The following SAGE1 variants were observed in gnomAD, a reference collection of about 807,000 sequenced individuals.
SAGE1 encodes the protein sarcoma antigen 1.
Under a neutral mutation model 55.4 loss-of-function variants are expected in SAGE1, and 55 were observed. That is an observed-to-expected ratio of 0.99 (90% CI 0.80 to 1.24). The LOEUF is 1.24. Among genes scored for constraint, SAGE1 ranks in the 50% most tolerant of loss-of-function variants. The probability of loss-of-function intolerance (pLI) is 0.00; values close to 1 mark genes in which losing one functional copy is unlikely to be tolerated. For missense variants in SAGE1, 710 were observed against 704.4 expected, an observed-to-expected ratio of 1.01 and a Z score of -0.09; for synonymous variants, 240 against 244.3, an observed-to-expected ratio of 0.98 and a Z score of 0.17.
intron 16 of SAGE1, 98 bp from the exon 17 acceptor site, chrX:135,911,094 T>A (rs997436849): frequency 1.8e-5 from 17 of 948,638 alleles, no homozygotes; most frequent in Non-Finnish European, 2.5e-5. Flanking sequence ...TCCTGCTGTA[T>A]GGGATAACGT....
At position 135,907,015 on chromosome X, in the gene SAGE1, C is replaced by G; in HGVS notation, c.826C>G (p.Leu276Val). The G allele has an allele frequency of 1.7e-6, 2 of 1,210,288 alleles. No individual in the cohort carries two copies. Among genetic ancestry groups the G allele is most frequent in the Non-Finnish European group, 2.2e-6 (2 of 894,328 alleles). Residue 276 changes from leucine to valine, a missense_variant, in exon 8 of 20, where the codon CTT (leucine) becomes GTT (valine). Leu to Val is a conservative substitution (Grantham distance 32). Coordinates refer to ENST00000370709, the MANE Select transcript of SAGE1 (RefSeq NM_001381902.1). The stretch of plus-strand genomic sequence containing the variant: ...CATCTTGTCAACTGCTTCAACAGGG[C>G]TTATTAATGTGGCAGGAGCTGGTAC... ...DNILSTASTG[L>V]INVAGAGTPA... is the part of the protein sequence containing the mutation.
At chrX:135,903,819 G>A (rs1439897947) in intron 3 of SAGE1, among the ~76,000 whole-genome samples, 2 of 111,311 alleles carry the variant, frequency 1.8e-5, no homozygotes, top group African/African-American at 6.5e-5. Flanking sequence ...ACAAAATGAC[G>A]AATACAAAAA....
At chrX:135,904,744 C>A (rs1247547168) in intron 4 of SAGE1, among the ~76,000 whole-genome samples, 175 bp downstream of exon 4, 1 of 111,227 alleles carries the variant, frequency 9.0e-6, no homozygotes, top group Non-Finnish European at 1.9e-5. Flanking sequence ...AGATGGCCAG[C>A]TGGCATATCC....
chrX:135,909,694 A>G lies in SAGE1; in HGVS notation c.1638A>G (p.Gln546=), dbSNP rs2088859802. The G allele has an allele frequency of 8.3e-7, 1 of 1,202,664 alleles. No individual in the cohort carries two copies. Among genetic ancestry groups the G allele is most frequent in the Non-Finnish European group, 1.1e-6 (1 of 890,263 alleles). The part of the protein sequence containing the change: ...HEERMENNQP[Q]PSYDLSTVLP... ...AGAGGATGGAAAATAACCAACCACAACCTAGTTATGACTTGTCAACTGTTC... is the reference window on the plus strand; with the variant it reads ...AGAGGATGGAAAATAACCAACCACAGCCTAGTTATGACTTGTCAACTGTTC... The change falls in exon 14 of 20, where the codon CAA becomes CAG. Residue 546 remains glutamine, a synonymous_variant. Transcript: ENST00000370709.
chrX:135,907,038 T>C lies in SAGE1; in HGVS notation c.849T>C (p.Gly283=), dbSNP rs782367551. Residue 283 remains glycine (G), a synonymous_variant, in exon 8 of 20, where the codon GGT becomes GGC. Transcript: ENST00000370709. ...STGLINVAGA[G]TPAISTNGLY... ...GGCTTATTAATGTGGCAGGAGCTGG[T>C]ACTCCAGCCATCAGCACCAATGGCC... 38 of 1,207,657 alleles carry C rather than the reference T, an allele frequency of 3.1e-5. No homozygotes were observed. In the South Asian group the frequency reaches 6.7e-4, roughly 21 times the overall value.
Position 135,907,689 on chromosome X carries a change from T to C in SAGE1, c.1019-12T>C. Reference sequence around the variant, plus strand: ...CTTAGCTCAGAGCTCAAGCTTTTCATTTGGTTTCCAGATGCTACCATCACT... The same window carrying C: ...CTTAGCTCAGAGCTCAAGCTTTTCACTTGGTTTCCAGATGCTACCATCACT... On this transcript the variant is annotated splice_polypyrimidine_tract_variant and intron_variant, in intron 9 of 19. Coordinates refer to ENST00000370709, the MANE Select transcript of SAGE1 (RefSeq NM_001381902.1). 1.7e-6 allele frequency: 2 copies of C among 1,208,422 alleles called. No homozygotes were observed. The highest frequency in any genetic ancestry group is 2.2e-6 in the Non-Finnish European group (2 of 893,606).
In SAGE1 at chrX:135,907,849, T is replaced by C; in HGVS notation, c.1159+8T>C. 8.3e-7 allele frequency: 1 copy of C among 1,205,717 alleles called. No homozygotes were observed. Among genetic ancestry groups the C allele is most frequent in the Non-Finnish European group, 1.1e-6 (1 of 890,937 alleles). Reference sequence around the variant, plus strand: ...TGAGTACCAGGGATCAGCGTAAGTTTGTTTACTAGTTGTGGTGTCCTACTT... The same window carrying C: ...TGAGTACCAGGGATCAGCGTAAGTTCGTTTACTAGTTGTGGTGTCCTACTT... On this transcript the variant is annotated splice_region_variant and intron_variant, in intron 10 of 19. Coordinates refer to ENST00000370709, the MANE Select transcript of SAGE1 (RefSeq NM_001381902.1).
intron 1 of SAGE1, among the ~76,000 whole-genome samples, chrX:135,894,462 G>A (rs782796429): frequency 3.4e-4 from 38 of 112,183 alleles, no homozygotes; most frequent in Non-Finnish European, 5.8e-4. Context: ...TGTTCATAAT[G>A]TATTCCTTTT....
chrX:135,908,168 TA>T lies in SAGE1; in HGVS notation c.1240del (p.Thr414HisfsTer15). On this transcript the variant is annotated frameshift_variant, in exon 11 of 20. Coordinates refer to ENST00000370709, the MANE Select transcript of SAGE1 (RefSeq NM_001381902.1). LOFTEE classifies it high-confidence loss of function. The part of the protein sequence containing the change: ...PTPDNVLSAV[T>X]PELINLAGAG... Reference sequence around the variant, plus strand: ...CCCCTGATAACGTCTTGTCAGCTGTTACACCAGAGCTTATTAACTTGGCAGG... The same window carrying T: ...CCCCTGATAACGTCTTGTCAGCTGTTCACCAGAGCTTATTAACTTGGCAGG... 8.3e-7 allele frequency: 1 copy of T among 1,209,277 alleles called. No homozygotes were observed. Among genetic ancestry groups the T allele is most frequent in the Non-Finnish European group, 1.1e-6 (1 of 893,424 alleles).
At position 135,893,767 on chromosome X, in the gene SAGE1, C is replaced by A; in HGVS notation, c.-15C>A. On this transcript the variant is annotated 5_prime_UTR_variant, in exon 1 of 20. Transcript: ENST00000370709. ...CAGAGGAACACAGAACCTTCTCACA[C>A]AGCGGGATAAAAGGGTGAATTTGGA... Among the ~76,000 whole-genome samples the A allele has an allele frequency of 8.9e-6, 1 of 112,145 alleles. No individual in the cohort carries two copies. Among genetic ancestry groups the A allele is most frequent in the Non-Finnish European group, 1.9e-5 (1 of 53,179 alleles).
rs1556607176 is a variant in SAGE1 at position 135,912,806 on chromosome X, A to C, written c.2624A>C (p.Lys875Thr). The change falls in exon 20 of 20, where the codon AAA becomes ACA. Residue 875 changes from lysine to threonine, a missense_variant. By Grantham distance (78) the Lys-to-Thr change is moderately conservative (BLOSUM62 -1). Coordinates refer to ENST00000370709, the MANE Select transcript of SAGE1 (RefSeq NM_001381902.1). Reference sequence around the variant, plus strand: ...TACCTCTTTAATTTCAGGTTTAAAAAAGTTGTCTTAATTCAGCAACTCGAG... The same window carrying C: ...TACCTCTTTAATTTCAGGTTTAAAACAGTTGTCTTAATTCAGCAACTCGAG... ...FTIKEAARFK[K>T]VVLIQQLEKA... 1 of 1,209,536 alleles carries C rather than the reference A, an allele frequency of 8.3e-7. No individual in the cohort carries two copies.
In SAGE1 at chrX:135,906,501, G is replaced by C; in HGVS notation, c.686G>C (p.Arg229Pro). 1.7e-6 allele frequency: 2 copies of C among 1,210,296 alleles called. No individual in the cohort carries two copies. The highest frequency in any genetic ancestry group is 2.2e-6 in the Non-Finnish European group (2 of 894,268). The stretch of plus-strand genomic sequence containing the variant: ...GTGTTGTTGACTCTTCGACCACGGC[G>C]TATTAATATGACAGACACTGGTATT... ...DNVLLTLRPR[R>P]INMTDTGISP... Residue 229 changes from arginine (R) to proline (P), a missense_variant, in exon 7 of 20, where the codon CGT becomes CCT. Physicochemically the swap from Arg to Pro is moderately radical, Grantham distance 103. Coordinates refer to ENST00000370709, the MANE Select transcript of SAGE1 (RefSeq NM_001381902.1).
rs2088904570 is a variant in SAGE1 at position 135,911,860 on chromosome X, C to T, written c.2428C>T (p.Pro810Ser). The T allele has an allele frequency of 1.7e-6, 2 of 1,209,774 alleles. No individual in the cohort carries two copies. The highest frequency in any genetic ancestry group is 3.5e-5 in the South Asian group (2 of 56,863). ...VTVMSLVETV[P>S]NTPQISPAMA... ...AGTAATGTCTTTGGTGGAAACTGTG[C>T]CAAATACACCACAAATATCTCCTGC... Residue 810 changes from proline to serine, a missense_variant, in exon 18 of 20, where the codon CCA becomes TCA. Coordinates refer to ENST00000370709, the MANE Select transcript of SAGE1 (RefSeq NM_001381902.1).
At chrX:135,904,779 C>T (rs2088754347) in intron 4 of SAGE1, among the ~76,000 whole-genome samples, 1 of 110,477 alleles carries the variant, frequency 9.1e-6, no homozygotes, top group Non-Finnish European at 1.9e-5. Context: ...AGATAATTTC[C>T]TAGAAATTGA....
At chrX:135,906,277 G>A in intron 6 of SAGE1, 113 bp downstream of exon 6, 1 of 1,054,091 alleles carries the variant, frequency 9.5e-7, no homozygotes, top group Non-Finnish European at 1.3e-6. Flanking sequence ...AAATCTGAGG[G>A]GTCTCACATC....
In SAGE1 at chrX:135,912,967, C is replaced by A; in HGVS notation, c.*70C>A. 2 of 698,698 alleles carry A rather than the reference C, an allele frequency of 2.9e-6. No individual in the cohort carries two copies. Among genetic ancestry groups the A allele is most frequent in the Non-Finnish European group, 4.4e-6 (2 of 455,567 alleles). The allele number at this position is 698,698 out of a possible 1,213,427, so 57.6% of individuals were successfully genotyped here. On this transcript the variant is annotated 3_prime_UTR_variant, in exon 20 of 20. Coordinates refer to ENST00000370709, the MANE Select transcript of SAGE1 (RefSeq NM_001381902.1). ...AGGATGGAACAGGTTATTGCTGAAG[C>A]TCCCTATAATCCTGAAATGAAGAGA...
chrX:135,896,374 G>A (rs782321737), intron 2 of SAGE1, 45 bp downstream of exon 2: 28 of 879,518 alleles, frequency 3.2e-5, no homozygotes, highest in South Asian at 8.3e-5. Flanking sequence ...GACATTCTTC[G>A]TATAATTATT....
chrX:135,901,425 G>A (rs2088678811), intron 2 of SAGE1, 134 bp from the exon 3 acceptor site: 1 of 624,189 alleles, frequency 1.6e-6, no homozygotes, highest in Non-Finnish European at 2.5e-6. Context: ...TATGTTCAGG[G>A]ATGAGAAATC....
chrX:135,911,962 T>C lies in SAGE1; in HGVS notation c.2521+9T>C. 1 of 1,205,668 alleles carries C rather than the reference T, an allele frequency of 8.3e-7. No homozygotes were observed. The highest frequency in any genetic ancestry group is 1.1e-6 in the Non-Finnish European group (1 of 892,054). On this transcript the variant is annotated intron_variant, in intron 18 of 19. Transcript: ENST00000370709. ...TCGAAGGTTTGGGCAAAGTAAGTAC[T>C]GCAAGAATGTCTATCAATGAAAGCA...
Sources: gnomAD v4.1 joint callset for allele counts (sites outside exome capture counted in the v4.1 genomes callset) on GRCh38, gnomAD v4.1.1 for gene constraint, MANE v1.5 for transcripts, NCBI Gene and HGNC (gene_info 2026-07-23, HGNC 2026-07-21) for gene names.